Variants in USH2A observed in about 807,000 individuals in gnomAD.
USH2A encodes the protein usherin.
USH2A carries 443 observed loss-of-function variants against 538.9 expected under a neutral mutation model. The observed-to-expected ratio is 0.82, with a 90% CI of 0.76 to 0.89. The LOEUF (loss-of-function observed/expected upper bound fraction) is 0.89, where lower values mean the gene tolerates loss of function less well. USH2A is among the 40% of genes least tolerant of loss of function. USH2A has a pLI of 0.00. For synonymous variants in USH2A, 2,413 were observed against 2,273.5 expected (o/e 1.06, Z -1.75); for missense variants, 6,633 against 6,324.8 (o/e 1.05, Z -1.65).
intron 47 of USH2A, among the ~76,000 whole-genome samples, chr1:215,825,953 GAA>G (rs1200541265): frequency 6.6e-6 from 1 of 152,150 alleles, no homozygotes; most frequent in African/African-American, 2.4e-5. Context: ...AAAATGTGGT[GAA>G]GAGATCTTGG....
chr1:216,351,811 A>T (rs574547892), intron 4 of USH2A, among the ~76,000 whole-genome samples: 1 of 151,922 alleles, frequency 6.6e-6, no homozygotes, highest in Admixed American at 6.6e-5. Context: ...ATATATTTTG[A>T]TTCTAACACC....
At chr1:216,268,727 T>C (rs933238530) in intron 11 of USH2A, among the ~76,000 whole-genome samples, 2 of 152,084 alleles carry the variant, frequency 1.3e-5, no homozygotes, top group African/African-American at 4.8e-5. Context: ...TTCCACCTTA[T>C]GGTGTTTGCA....
chr1:215,825,874 G>A (rs912464969), intron 47 of USH2A, among the ~76,000 whole-genome samples: 1 of 152,138 alleles, frequency 6.6e-6, no homozygotes, highest in Non-Finnish European at 1.5e-5. Context: ...TAGGTAAAAA[G>A]TCAAAATGCA....
At chr1:216,259,519 T>C (rs1291271321) in intron 11 of USH2A, among the ~76,000 whole-genome samples, 1 of 152,020 alleles carries the variant, frequency 6.6e-6, no homozygotes, top group African/African-American at 2.4e-5. Flanking sequence ...AAGACAAAAC[T>C]AAGGGATAAG....
At chr1:216,316,685 C>G (rs1221988412) in intron 9 of USH2A, among the ~76,000 whole-genome samples, 1 of 151,140 alleles carries the variant, frequency 6.6e-6, no homozygotes, top group Non-Finnish European at 1.5e-5. Context: ...GCCATTCTGA[C>G]TGGCATGAGC....
intron 21 of USH2A, among the ~76,000 whole-genome samples, chr1:216,131,425 G>T (rs766208150): frequency 6.6e-6 from 1 of 151,972 alleles, no homozygotes; most frequent in South Asian, 2.1e-4. Context: ...TTATCTTCTA[G>T]AATTTTTAGT....
At chr1:216,350,675 T>G (rs1186039757) in intron 4 of USH2A, among the ~76,000 whole-genome samples, 2 of 152,078 alleles carry the variant, frequency 1.3e-5, no homozygotes, top group Admixed American at 1.3e-4. Context: ...CTTGGGAAGC[T>G]CTACCCCTCT....
intron 20 of USH2A, among the ~76,000 whole-genome samples, chr1:216,183,518 A>G (rs1463043401): frequency 6.6e-6 from 1 of 151,976 alleles, no homozygotes; most frequent in Non-Finnish European, 1.5e-5. Flanking sequence ...CGACTCACCA[A>G]CCGATTTAAG....
Position 216,200,112 on chromosome 1 carries a change from T to A in USH2A, c.3326A>T (p.Tyr1109Phe). The change falls in exon 17 of 72, where the codon TAC (tyrosine) becomes TTC (phenylalanine). Residue 1109 changes from tyrosine to phenylalanine, a missense_variant. Transcript: ENST00000307340. ...TGGTAACAGGTCTGTGTCTAAGAAG[T>A]ATTGAATACCTGAAATGAAAAGAAA... is the stretch of plus-strand genomic sequence containing the variant. The part of the protein sequence containing the change: ...TEDQYPYSIQ[Y>F]FLDTDLLPYT... 6.2e-7 allele frequency: 1 copy of A among 1,609,328 alleles called. No homozygotes were observed. Among genetic ancestry groups the A allele is most frequent in the Non-Finnish European group, 8.5e-7 (1 of 1,178,536 alleles).
At chr1:215,657,024 T>C (rs1264379781) in intron 64 of USH2A, among the ~76,000 whole-genome samples, 2 of 152,236 alleles carry the variant, frequency 1.3e-5, no homozygotes, top group African/African-American at 4.8e-5. Flanking sequence ...GGGGGACAAA[T>C]AGATATTAAA....
In USH2A at chr1:216,251,014, A is replaced by G; in HGVS notation, c.2056T>C (p.Leu686=). 1 of 1,613,988 alleles carries G rather than the reference A, an allele frequency of 6.2e-7. No individual in the cohort carries two copies. Among genetic ancestry groups the G allele is most frequent in the Non-Finnish European group, 8.5e-7 (1 of 1,179,988 alleles). The change falls in exon 12 of 72, where the codon TTG becomes CTG. Residue 686 remains leucine (L), a synonymous_variant. Coordinates refer to ENST00000307340, the MANE Select transcript of USH2A (RefSeq NM_206933.4). ...CAGGGACTGCAGCCATCAGGATCCAACTCTTGTAGATTGTAGAATCCATTC... is the reference window on the plus strand; with the variant it reads ...CAGGGACTGCAGCCATCAGGATCCAGCTCTTGTAGATTGTAGAATCCATTC... The part of the protein sequence containing the change: ...CQNGFYNLQE[L]DPDGCSPCNC...
intron 21 of USH2A, among the ~76,000 whole-genome samples, chr1:216,113,996 T>A (rs1312613464): frequency 2.0e-5 from 3 of 151,754 alleles, no homozygotes; most frequent in Admixed American, 6.6e-5. Flanking sequence ...TTGCTTTTTT[T>A]AGTAAATTTT....
Position 215,728,138 on chromosome 1 carries a change from T to A in USH2A, c.11958A>T (p.Thr3986=), listed in dbSNP as rs759403244. 6.2e-7 allele frequency: 1 copy of A among 1,614,208 alleles called. No homozygotes were observed. The highest frequency in any genetic ancestry group is 8.5e-7 in the Non-Finnish European group (1 of 1,180,046). Residue 3986 remains threonine (T), a synonymous_variant, in exon 61 of 72, where the codon ACA becomes ACT. Transcript: ENST00000307340. ...TSAHSVLLNW[T]KPESPNGIIS... Reference sequence around the variant, plus strand: ...TAATGCCATTGGGAGATTCTGGCTTTGTCCAATTCAACAGAACTGAATGAG... The same window carrying A: ...TAATGCCATTGGGAGATTCTGGCTTAGTCCAATTCAACAGAACTGAATGAG...
At position 215,710,500 on chromosome 1, in the gene USH2A, C is replaced by G. The variant is rs115592014; in HGVS notation, c.12066+17530G>C. 6.0e-3 allele frequency among the ~76,000 whole-genome samples: 912 copies of G among 152,200 alleles called. 10 individuals carry two copies. The highest frequency in any genetic ancestry group is 0.02 in the African/African-American group (838 of 41,518). On this transcript the variant is annotated intron_variant, in intron 61 of 71. Transcript: ENST00000307340. ...CTTATGTACATCTCAACTGCTCATACGTTTAGCTCAGGGTCTTAACAGTCA... is the reference window on the plus strand; with the variant it reads ...CTTATGTACATCTCAACTGCTCATAGGTTTAGCTCAGGGTCTTAACAGTCA...
intron 32 of USH2A, among the ~76,000 whole-genome samples, chr1:216,015,369 C>T (rs926725963): frequency 6.6e-6 from 1 of 152,196 alleles, no homozygotes; most frequent in African/African-American, 2.4e-5. Context: ...TCCACAATTG[C>T]TTGCTCAGCA....
chr1:216,029,962 A>G (rs1415690111), intron 32 of USH2A, among the ~76,000 whole-genome samples: 1 of 137,078 alleles, frequency 7.3e-6, no homozygotes, highest in Non-Finnish European at 1.6e-5. Flanking sequence ...AAAATGTGAT[A>G]GATAGATAGA....
At chr1:215,630,138 A>C in intron 70 of USH2A, 2 of 516,078 alleles carry the variant, frequency 3.9e-6, no homozygotes, top group Non-Finnish European at 7.7e-6. Flanking sequence ...TTCACTGTGC[A>C]GTCAACACAC....
At chr1:216,160,513 T>C (rs1247220722) in intron 21 of USH2A, among the ~76,000 whole-genome samples, 3 of 152,076 alleles carry the variant, frequency 2.0e-5, no homozygotes, top group Non-Finnish European at 4.4e-5. Flanking sequence ...TCATCACATC[T>C]GTAATCCTAA....
intron 37 of USH2A, among the ~76,000 whole-genome samples, chr1:215,948,864 TA>T (rs922793038): frequency 3.3e-5 from 5 of 152,076 alleles, no homozygotes; most frequent in African/African-American, 7.2e-5. Context: ...AAATAATTAC[TA>T]AAAAAAATTG....
Sources: allele counts gnomAD v4.1 joint callset (sites outside exome capture counted in the v4.1 genomes callset), GRCh38; gene constraint gnomAD v4.1.1; transcripts MANE v1.5; gene names NCBI Gene and HGNC (gene_info 2026-07-23, HGNC 2026-07-21).